Variants in MSTO1 observed in about 807,000 individuals in gnomAD.
MSTO1 encodes the protein misato mitochondrial distribution and morphology regulator 1.
In MSTO1, 24 loss-of-function variants were observed where a neutral mutation model predicts 55.7. The ratio of observed to expected loss-of-function variants is 0.43; its 90% CI spans 0.31 to 0.61. The LOEUF is 0.61. Ranked by LOEUF, MSTO1 falls within the 20% of genes least tolerant of loss-of-function variation. The pLI, the probability that MSTO1 is intolerant of heterozygous loss-of-function variation, is 0.09. For missense variants in MSTO1, 363 were observed against 625.7 expected (o/e 0.58, Z 4.48); for synonymous variants, 162 against 252.8 (o/e 0.64, Z 3.41).
the MSTO1 span, among the ~76,000 whole-genome samples, chr1:155,599,783 A>G: frequency 3.3e-5 from 5 of 152,236 alleles, no homozygotes; most frequent in Non-Finnish European, 7.3e-5. Flanking sequence ...GAGAGGGTCA[A>G]CAGACAAACA....
chr1:155,599,574 T>C, the MSTO1 span, among the ~76,000 whole-genome samples: 1 of 152,186 alleles, frequency 6.6e-6, no homozygotes, highest in Non-Finnish European at 1.5e-5. Context: ...TGTGGGTGTT[T>C]CTCGTAAGGT....
At chr1:155,600,624 T>G in the MSTO1 span, among the ~76,000 whole-genome samples, 8 of 151,922 alleles carry the variant, frequency 5.3e-5, no homozygotes, top group Non-Finnish European at 7.3e-5. Flanking sequence ...CTCGGCTCAC[T>G]GCAACCTGCA....
the MSTO1 span, among the ~76,000 whole-genome samples, chr1:155,575,509 CA>C: frequency 6.6e-6 from 1 of 151,842 alleles, no homozygotes; most frequent in African/African-American, 2.4e-5. Flanking sequence ...GTGGTGCAAT[CA>C]CGGCTCACTG....
chr1:155,563,958 T>G, the MSTO1 span: 1 of 181,878 alleles, frequency 5.5e-6, no homozygotes, highest in Admixed American at 5.4e-5. Flanking sequence ...CTGTTAGGTT[T>G]CTGTGGCTAC....
the MSTO1 span, chr1:155,563,620 A>C: frequency 2.2e-6 from 1 of 456,110 alleles, no homozygotes; most frequent in Middle Eastern, 3.3e-4. Context: ...GCCTCGTTAG[A>C]CAGCCTGGTG....
At chr1:155,590,905 G>A in the MSTO1 span, 2 of 1,613,064 alleles carry the variant, frequency 1.2e-6, no homozygotes, top group East Asian at 2.2e-5. Flanking sequence ...AATCCCAGAG[G>A]TGAGCACCAG....
the MSTO1 span, chr1:155,563,799 G>A: frequency 2.9e-6 from 1 of 349,802 alleles, no homozygotes; most frequent in African/African-American, 2.1e-5. Context: ...GATAATATAT[G>A]TAAAGTGGAA....
At chr1:155,574,682 T>C in the MSTO1 span, among the ~76,000 whole-genome samples, 2 of 152,030 alleles carry the variant, frequency 1.3e-5, no homozygotes, top group African/African-American at 4.8e-5. Context: ...TCCTCCTGCC[T>C]CAGCCTCCTG....
chr1:155,604,335 A>G, the MSTO1 span, among the ~76,000 whole-genome samples: 1 of 152,170 alleles, frequency 6.6e-6, no homozygotes, highest in African/African-American at 2.4e-5. Flanking sequence ...TGGACCATAA[A>G]CCAGCTCAAT....
the MSTO1 span, among the ~76,000 whole-genome samples, chr1:155,582,915 T>C: frequency 1.3e-5 from 2 of 151,390 alleles, no homozygotes; most frequent in African/African-American, 4.9e-5. Flanking sequence ...TCTCACTCTG[T>C]TGCCCAGGCT....
At chr1:155,564,215 C>T in the MSTO1 span, among the ~76,000 whole-genome samples, 2 of 152,222 alleles carry the variant, frequency 1.3e-5, no homozygotes, top group East Asian at 1.9e-4. Flanking sequence ...CATGCAAGGC[C>T]GGGCGCGGTG....
chr1:155,602,141 C>A, the MSTO1 span: 8 of 709,940 alleles, frequency 1.1e-5, no homozygotes, highest in Admixed American at 8.9e-5. Context: ...CTTTGATCAA[C>A]CTTTAGAGGT....
chr1:155,582,433 T>A, the MSTO1 span, among the ~76,000 whole-genome samples: 1 of 152,132 alleles, frequency 6.6e-6, no homozygotes, highest in Non-Finnish European at 1.5e-5. Flanking sequence ...ATTTGGCTTG[T>A]TGATAGGATT....
At chr1:155,593,846 G>A in the MSTO1 span, among the ~76,000 whole-genome samples, 3 of 152,014 alleles carry the variant, frequency 2.0e-5, no homozygotes, top group Admixed American at 2.0e-4. Flanking sequence ...GCAGGCGCCT[G>A]TAGTCCCAGC....
At chr1:155,582,729 T>C in the MSTO1 span, among the ~76,000 whole-genome samples, 1 of 151,782 alleles carries the variant, frequency 6.6e-6, no homozygotes, top group African/African-American at 2.4e-5. Flanking sequence ...AAAGTGCTGG[T>C]ATTACAGGCA....
chr1:155,568,003 A>G, the MSTO1 span, among the ~76,000 whole-genome samples: 3 of 151,258 alleles, frequency 2.0e-5, no homozygotes, highest in African/African-American at 7.3e-5. Context: ...GCACCATTAC[A>G]CTCCTGCCTG....
At chr1:155,584,903 GT>G in the MSTO1 span, among the ~76,000 whole-genome samples, 59 of 139,292 alleles carry the variant, frequency 4.2e-4, no homozygotes, top group Admixed American at 5.1e-4. Context: ...ACAGTGCCAG[GT>G]TTTTTTTTTT....
chr1:155,598,728 C>A, the MSTO1 span: 1 of 553,480 alleles, frequency 1.8e-6, no homozygotes, highest in Non-Finnish European at 3.2e-6. Flanking sequence ...TCTCAAACAG[C>A]AAGAACAACA....
At chr1:155,609,243 A>ATATATATATATATATATTTTTTTT, upstream of MSTO1, among the ~76,000 whole-genome samples, 1 of 54,578 alleles carries the variant, frequency 1.8e-5, no homozygotes, top group East Asian at 1.9e-3. Flanking sequence ...ATATATATAT[A>ATATATATATATATATATTTTTTTT]TTTTTTTTTT....
Sources: gnomAD v4.1 joint callset for allele counts (sites outside exome capture counted in the v4.1 genomes callset) on GRCh38, gnomAD v4.1.1 for gene constraint, MANE v1.5 for transcripts, NCBI Gene and HGNC (gene_info 2026-07-23, HGNC 2026-07-21) for gene names.